The following IL1RAPL2 variants were observed in gnomAD, a reference collection of about 807,000 sequenced individuals.
The protein encoded by IL1RAPL2 is X-linked interleukin-1 receptor accessory protein-like 2.
IL1RAPL2 carries 3 observed loss-of-function variants against 44.1 expected under a neutral mutation model. The ratio of observed to expected loss-of-function variants is 0.07; its 90% confidence interval spans 0.03 to 0.18. IL1RAPL2 has a LOEUF of 0.18. Ranked by LOEUF, IL1RAPL2 falls within the 10% of genes least tolerant of loss-of-function variation. The pLI is 1.00. For synonymous variants in IL1RAPL2, 181 were observed against 178.8 expected (o/e 1.01, Z -0.10); for missense variants, 391 against 496.4 (o/e 0.79, Z 2.02).
chrX:104,970,910 T>C (rs1401135631), intron 2 of IL1RAPL2, among the ~76,000 whole-genome samples: 2 of 112,319 alleles, frequency 1.8e-5, no homozygotes, highest in African/African-American at 3.2e-5. Context: ...ACGCTTTTAC[T>C]CTCTGGGTCA....
At chrX:104,603,877 A>G (rs1172026251) in intron 1 of IL1RAPL2, among the ~76,000 whole-genome samples, 1 of 111,871 alleles carries the variant, frequency 8.9e-6, no homozygotes, top group African/African-American at 3.3e-5. Flanking sequence ...GTTGGAAAAT[A>G]CTCTTCAGGA....
chrX:105,665,747 T>G (rs781155051), intron 6 of IL1RAPL2, among the ~76,000 whole-genome samples: 2,753 of 97,869 alleles, frequency 0.028, 107 homozygotes, highest in African/African-American at 0.083. Context: ...TTTTTGTTTT[T>G]TTTTTTTTGT....
intron 2 of IL1RAPL2, among the ~76,000 whole-genome samples, chrX:104,879,356 C>T (rs1200422283): frequency 6.2e-4 from 11 of 17,744 alleles, no homozygotes; most frequent in Admixed American, 3.5e-3. Flanking sequence ...AGAGACCAAG[C>T]AAAACTAGTA....
intron 2 of IL1RAPL2, among the ~76,000 whole-genome samples, chrX:105,040,718 A>G (rs559674706): frequency 0.05 from 5,451 of 108,527 alleles, 541 homozygotes; most frequent in African/African-American, 0.18. Flanking sequence ...CTGTGGGATC[A>G]GTGGTGATAT....
intron 2 of IL1RAPL2, among the ~76,000 whole-genome samples, chrX:104,675,123 T>C (rs1455755750): frequency 9.0e-6 from 1 of 111,549 alleles, no homozygotes. Flanking sequence ...TTCTTAGTTA[T>C]TTCTTGCCTT....
chrX:105,151,856 G>A (rs1301480517), intron 2 of IL1RAPL2, among the ~76,000 whole-genome samples: 1 of 111,188 alleles, frequency 9.0e-6, no homozygotes, highest in Non-Finnish European at 1.9e-5. Context: ...CAGCAATCTG[G>A]ATGAGATTGG....
At chrX:104,761,942 C>A (rs1932460440) in intron 2 of IL1RAPL2, among the ~76,000 whole-genome samples, 2 of 72,841 alleles carry the variant, frequency 2.7e-5, no homozygotes, top group Non-Finnish European at 4.6e-5. Flanking sequence ...TCTTCTTCTT[C>A]TTCTTCTTCT....
chrX:105,219,384 G>T, intron 3 of IL1RAPL2: 1 of 1,210,582 alleles, frequency 8.3e-7, no homozygotes, highest in Admixed American at 2.2e-5. Flanking sequence ...TGGCTGTTTC[G>T]ACCGACCGGA....
intron 2 of IL1RAPL2, among the ~76,000 whole-genome samples, chrX:105,100,902 T>C (rs183877325): frequency 8.1e-4 from 91 of 112,573 alleles, no homozygotes; most frequent in African/African-American, 2.8e-3. Context: ...GGATTAACAC[T>C]CCTAGAAGAA....
chrX:105,214,373 CAAA>C (rs2033834522), intron 3 of IL1RAPL2, among the ~76,000 whole-genome samples: 1 of 105,330 alleles, frequency 9.5e-6, no homozygotes, highest in Non-Finnish European at 1.9e-5. Context: ...AAAAAAAAGA[CAAA>C]GAAGGGCATT....
chrX:104,585,369 AT>A (rs1928532818), intron 1 of IL1RAPL2, among the ~76,000 whole-genome samples: 3 of 25,985 alleles, frequency 1.2e-4, no homozygotes, highest in South Asian at 1.5e-3. Flanking sequence ...TATTATATAT[AT>A]TATATATAAT....
Position 105,421,285 on chromosome X carries a change from A to G in IL1RAPL2, c.698-63028A>G, listed in dbSNP as rs143284499. On this transcript the variant is annotated intron_variant, in intron 5 of 10. Coordinates refer to ENST00000372582, the MANE Select transcript of IL1RAPL2 (RefSeq NM_017416.2). ...TTTTGAGTTTCTGATTTTCCTCTCC[A>G]AATGAGGCAATCAGATATGCATTTG... Among the ~76,000 whole-genome samples the G allele has an allele frequency of 7.2e-5, 8 of 111,497 alleles. No individual in the cohort carries two copies. In the East Asian group the frequency reaches 1.7e-3, roughly 24 times the overall value.
At chrX:105,380,969 G>A (rs760507124) in intron 5 of IL1RAPL2, among the ~76,000 whole-genome samples, 53 of 111,359 alleles carry the variant, frequency 4.8e-4, no homozygotes, top group Non-Finnish European at 8.1e-4. Flanking sequence ...GCCCACTATG[G>A]CCAGGAATGT....
In IL1RAPL2 at chrX:104,912,635, G is replaced by A. The variant is rs761716307; in HGVS notation, c.82+253640G>A. The stretch of plus-strand genomic sequence containing the variant: ...AAAAATACTTATTTTTAATGTGTGT[G>A]TCTATCAGCAAATATGGTAAAGCAT... On this transcript the variant is annotated intron_variant, in intron 2 of 10. Transcript: ENST00000372582. Among the ~76,000 whole-genome samples the A allele has an allele frequency of 6.3e-5, 7 of 111,586 alleles. No individual in the cohort carries two copies. The South Asian group carries it at 1.9e-3, about 30-fold the overall frequency.
intron 2 of IL1RAPL2, among the ~76,000 whole-genome samples, chrX:104,778,829 C>T (rs954499039): frequency 1.8e-4 from 20 of 110,039 alleles, no homozygotes; most frequent in African/African-American, 6.6e-4. Context: ...GCTACCTTTC[C>T]TAAAAATCAC....
At chrX:105,034,138 A>G (rs1674683921) in intron 2 of IL1RAPL2, among the ~76,000 whole-genome samples, 1 of 110,988 alleles carries the variant, frequency 9.0e-6, no homozygotes, top group African/African-American at 3.3e-5. Flanking sequence ...ATTTTTTTTC[A>G]AAGTTTTTAA....
At chrX:105,078,834 G>A (rs2032355875) in intron 2 of IL1RAPL2, among the ~76,000 whole-genome samples, 1 of 112,818 alleles carries the variant, frequency 8.9e-6, no homozygotes, top group Non-Finnish European at 1.9e-5. Flanking sequence ...TCCAAGCCAG[G>A]TGCGGGATAT....
At chrX:104,893,188 G>A (rs1923517877) in intron 2 of IL1RAPL2, among the ~76,000 whole-genome samples, 1 of 111,720 alleles carries the variant, frequency 9.0e-6, no homozygotes, top group South Asian at 3.8e-4. Flanking sequence ...TTTACATTTT[G>A]CTGAGGAGTG....
chrX:104,810,342 C>T (rs1932965603), intron 2 of IL1RAPL2, among the ~76,000 whole-genome samples: 1 of 110,344 alleles, frequency 9.1e-6, no homozygotes, highest in Admixed American at 9.7e-5. Context: ...TGCAGCACAC[C>T]AGCATGTCAC....
Sources: allele counts gnomAD v4.1 joint callset (sites outside exome capture counted in the v4.1 genomes callset), GRCh38; gene constraint gnomAD v4.1.1; transcripts MANE v1.5; gene names NCBI Gene and HGNC (gene_info 2026-07-23, HGNC 2026-07-21).